Variants in GSTA5 observed in about 807,000 individuals in gnomAD.
The protein encoded by GSTA5 is glutathione S-transferase A5.
A neutral mutation model predicts 21.8 loss-of-function variants in GSTA5; 25 were observed. The observed-to-expected ratio is 1.14, with a 90% CI of 0.83 to 1.60. The LOEUF (loss-of-function observed/expected upper bound fraction) is 1.60. Among genes scored for constraint, GSTA5 ranks in the 40% most tolerant of loss-of-function variants. The pLI is 0.00. For synonymous variants in GSTA5, 102 were observed against 89.5 expected (o/e 1.14, Z -0.78); for missense variants, 330 against 259.2 (o/e 1.27, Z -1.88).
chr6:52,832,044 G>C (rs1451305150), intron 5 of GSTA5, 74 bp from the exon 6 acceptor site: 2 of 1,548,362 alleles, frequency 1.3e-6, no homozygotes, highest in African/African-American at 1.4e-5. Flanking sequence ...CAGGGAATGT[G>C]AGCCCCTCAT....
upstream of GSTA5, among the ~76,000 whole-genome samples, chr6:52,843,519 T>A (rs193081017): frequency 3.0e-3 from 463 of 152,354 alleles, 4 homozygotes; most frequent in African/African-American, 0.011. Context: ...GAGCTTTTTT[T>A]ATATGTTTGT....
chr6:52,839,585 G>T (rs1764343945), intron 1 of GSTA5, among the ~76,000 whole-genome samples: 1 of 152,152 alleles, frequency 6.6e-6, no homozygotes, highest in South Asian at 2.1e-4. Flanking sequence ...GAAGGGGCGC[G>T]CTAGAAGTTC....
chr6:52,835,235 A>C (rs1265892530), intron 3 of GSTA5, among the ~76,000 whole-genome samples: 3 of 152,224 alleles, frequency 2.0e-5, no homozygotes, highest in African/African-American at 2.4e-5. Flanking sequence ...ATGGATTTGA[A>C]TATCTGGACA....
upstream of GSTA5, among the ~76,000 whole-genome samples, chr6:52,842,891 T>C (rs1459412210): frequency 3.3e-5 from 5 of 152,142 alleles, no homozygotes; most frequent in Non-Finnish European, 7.3e-5. Flanking sequence ...CCTAATGCTA[T>C]CCCTTCCCTA....
chr6:52,841,926 G>A (rs6937233), upstream of GSTA5, among the ~76,000 whole-genome samples: 1 of 151,964 alleles, frequency 6.6e-6, no homozygotes, highest in African/African-American at 2.4e-5. Flanking sequence ...TGAAACCCCA[G>A]TACTTTTTAA....
chr6:52,845,356 A>T (rs1581820621), upstream of GSTA5, among the ~76,000 whole-genome samples: 9 of 152,298 alleles, frequency 5.9e-5, no homozygotes, highest in South Asian at 1.9e-3. Flanking sequence ...GGGTTGTCAC[A>T]TCTGCGGGGA....
At chr6:52,841,069 G>A (rs1764371789), upstream of GSTA5, among the ~76,000 whole-genome samples, 1 of 152,180 alleles carries the variant, frequency 6.6e-6, no homozygotes, top group South Asian at 2.1e-4. Flanking sequence ...CAGCCTAAGA[G>A]GTGAGAGTAT....
At chr6:52,837,645 T>G in intron 1 of GSTA5, 36 bp from the exon 2 acceptor site, 1 of 1,445,842 alleles carries the variant, frequency 6.9e-7, no homozygotes, top group Non-Finnish European at 9.7e-7. Context: ...TCTTCTTAGT[T>G]AATTCTATTA....
chr6:52,833,917 G>A (rs1764253233), intron 4 of GSTA5, among the ~76,000 whole-genome samples: 1 of 152,138 alleles, frequency 6.6e-6, no homozygotes, highest in Admixed American at 6.5e-5. Context: ...TTAATGTTGG[G>A]GTCTGTAAAT....
At chr6:52,837,527 C>G in intron 2 of GSTA5, 31 bp downstream of exon 2, 2 of 1,471,618 alleles carry the variant, frequency 1.4e-6, no homozygotes, top group Non-Finnish European at 1.9e-6. Flanking sequence ...ACTAGAAACT[C>G]TCATCAGAGT....
intron 3 of GSTA5, among the ~76,000 whole-genome samples, chr6:52,835,704 T>G (rs9382145): frequency 2.0e-5 from 3 of 152,150 alleles, no homozygotes; most frequent in Admixed American, 6.5e-5. Context: ...TCTATCCATG[T>G]GTCAAGGTAA....
At chr6:52,837,631 G>A (rs1322968018) in intron 1 of GSTA5, 22 bp from the exon 2 acceptor site, 2 of 1,569,652 alleles carry the variant, frequency 1.3e-6, no homozygotes, top group East Asian at 4.5e-5. Context: ...AACAGTAAAT[G>A]GGTTCTTCTT....
rs2127322403 is a variant in GSTA5, at chr6:52,833,088, G to C, written c.415-98C>G. The C allele has an allele frequency of 2.9e-6, 4 of 1,372,130 alleles. No homozygotes were observed. The East Asian group carries it at 9.2e-5, about 32-fold the overall frequency. The allele number at this position is 1,372,130 out of a possible 1,614,324, so 85.0% of individuals were successfully genotyped here. A position where few individuals can be genotyped will look rare whatever the true frequency, so the allele number is the denominator to read the frequency against. On this transcript the variant is annotated intron_variant, in intron 4 of 5. Transcript: ENST00000370989. The stretch of plus-strand genomic sequence containing the variant: ...CTCCACCCTGACTTTTCCCACCTCT[G>C]TTGCCTTATTGCATGGGTGCAGAAA...
In GSTA5 at chr6:52,837,557, C is replaced by T. The variant is rs144035273; in HGVS notation, c.139+1G>A. On this transcript the variant is annotated splice_donor_variant, in intron 2 of 5. Coordinates refer to ENST00000370989, the Ensembl canonical transcript of GSTA5. LOFTEE classifies it high-confidence loss of function. ...CAGAGTTACTTAGAGATTGATCTTA[C>T]CATTTCTTAACTTGTCCAAATCTTC... 1,585 of 1,597,718 alleles carry T rather than the reference C, an allele frequency of 9.9e-4. 1 individual carries two copies. Among genetic ancestry groups the T allele is most frequent in the Non-Finnish European group, 1.2e-3 (1,437 of 1,165,576 alleles).
the GSTA5 span, chr6:52,846,049 T>A: frequency 3.8e-5 from 6 of 157,306 alleles, no homozygotes; most frequent in Non-Finnish European, 7.0e-5. Context: ...ATTTATAAGA[T>A]CAGTACTTAG....
At chr6:52,831,938 C>T (rs1222878811) in exon 6 of GSTA5, 13 of 1,613,604 alleles carry the variant, frequency 8.1e-6, no homozygotes, top group Non-Finnish European at 9.3e-6. Flanking sequence ...ACTTCTTCAC[C>T]GTGGGCAGGT....
chr6:52,846,140 A>G, the GSTA5 span: 2 of 166,738 alleles, frequency 1.2e-5, no homozygotes, highest in African/African-American at 4.8e-5. Context: ...GTTCCTTTCA[A>G]TAGTTCCCTC....
In GSTA5 at chr6:52,836,373, G is replaced by C. The variant is rs1411690871; in HGVS notation, c.140-5C>G. ...GCTGGAACAGCAAACTCCCATCTTAGAAAGAAGAAAAAAAAAGGAGTATGA... is the reference window on the plus strand; with the variant it reads ...GCTGGAACAGCAAACTCCCATCTTACAAAGAAGAAAAAAAAAGGAGTATGA... On this transcript the variant is annotated splice_polypyrimidine_tract_variant and splice_region_variant and intron_variant, in intron 2 of 5. Transcript: ENST00000370989. The C allele has an allele frequency of 6.2e-7, 1 of 1,606,712 alleles. No homozygotes were observed. The highest frequency in any genetic ancestry group is 1.7e-5 in the Admixed American group (1 of 58,536).
rs771498535 is a variant in GSTA5, at chr6:52,831,889, C to G, written c.628G>C (p.Glu210Gln). Residue 210 changes from glutamate to glutamine, a missense_variant, in exon 6 of 6, where the codon GAG becomes CAG. Coordinates refer to ENST00000370989, the Ensembl canonical transcript of GSTA5. ...TTCCTTGCTTCTTCTAAAGATTTCT[C>G]ATCCATGGGAGGCTTTCTCTGGCTG... is the stretch of plus-strand genomic sequence containing the variant. 6 of 1,613,970 alleles carry G rather than the reference C, an allele frequency of 3.7e-6. No individual in the cohort carries two copies. In the Admixed American group the frequency reaches 1.0e-4, roughly 27 times the overall value.
Sources: gnomAD v4.1 joint callset for allele counts (sites outside exome capture counted in the v4.1 genomes callset) on GRCh38, gnomAD v4.1.1 for gene constraint, MANE v1.5 for transcripts, NCBI Gene and HGNC (gene_info 2026-07-23, HGNC 2026-07-21) for gene names.